SRGN: variants seen among roughly 807,000 people sequenced by gnomAD.
The protein encoded by SRGN is serglycin.
A neutral mutation model predicts 9.5 loss-of-function variants in SRGN; 2 were observed. That is an observed-to-expected ratio of 0.21 (90% CI 0.09 to 0.66). The LOEUF (loss-of-function observed/expected upper bound fraction) is 0.66. Among genes scored for constraint, SRGN ranks in the 30% least tolerant of loss-of-function variants. The pLI, the probability that SRGN is intolerant of heterozygous loss-of-function variation, is 0.83. For synonymous variants in SRGN, 59 were observed against 72.3 expected (o/e 0.82, Z 0.93); for missense variants, 170 against 192.4 (o/e 0.88, Z 0.69).
At chr10:69,096,329 C>T (rs1313397798) in intron 1 of SRGN, among the ~76,000 whole-genome samples, 1 of 152,150 alleles carries the variant, frequency 6.6e-6, no homozygotes, top group Non-Finnish European at 1.5e-5. Flanking sequence ...ACAAAAGTAA[C>T]AACAGTTAAT....
chr10:69,104,257 C>CT lies in SRGN; in HGVS notation c.*145dup, dbSNP rs1211354837. 8.2e-5 allele frequency: 97 copies of CT among 1,175,962 alleles called. No homozygotes were observed. Among genetic ancestry groups the CT allele is most frequent in the South Asian group, 2.0e-4 (12 of 59,412 alleles). 72.8% of individuals were successfully genotyped at this position (1,175,962 alleles called of 1,614,324 possible). ...AAAAAGAAGCTTAAGTTTTATCATC[C>CT]TTTTTTTTCTCATGAATTCTTAAAG... On this transcript the variant is annotated 3_prime_UTR_variant, in exon 3 of 3. Coordinates refer to ENST00000242465, the MANE Select transcript of SRGN (RefSeq NM_002727.4).
intron 1 of SRGN, among the ~76,000 whole-genome samples, chr10:69,094,056 A>G (rs1007844636): frequency 1.3e-5 from 2 of 152,198 alleles, no homozygotes; most frequent in African/African-American, 4.8e-5. Flanking sequence ...TGTGCTAGGT[A>G]CTACTCTGAG....
At chr10:69,092,230 T>G (rs964473033) in intron 1 of SRGN, among the ~76,000 whole-genome samples, 1 of 152,136 alleles carries the variant, frequency 6.6e-6, no homozygotes, top group African/African-American at 2.4e-5. Context: ...GACATTTATC[T>G]CAAGCAAGAT....
At chr10:69,097,383 C>G (rs1840197076) in intron 2 of SRGN, 152 bp downstream of exon 2, 1 of 545,196 alleles carries the variant, frequency 1.8e-6, no homozygotes, top group African/African-American at 2.0e-5. Context: ...GCTTCAGCCT[C>G]TGGAGCAGCT....
Position 69,104,100 on chromosome 10 carries a change from GAAGAGGATTTTATGTTATAA to G in SRGN, c.469_*11del, listed in dbSNP as rs763436639. The G allele has an allele frequency of 6.2e-7, 1 of 1,614,086 alleles. No homozygotes were observed. Among genetic ancestry groups the G allele is most frequent in the South Asian group, 1.1e-5 (1 of 91,080 alleles). Reference sequence around the variant, plus strand: ...CCAGGACTTGGGTCAACATGGATTAGAAGAGGATTTTATGTTATAAAAGAGGATTTTCCCACCTTGACACC... The same window carrying G: ...CCAGGACTTGGGTCAACATGGATTAGAAGAGGATTTTCCCACCTTGACACC... On this transcript the variant is annotated frameshift_variant and stop_lost, in exon 3 of 3. Coordinates refer to ENST00000242465, the MANE Select transcript of SRGN (RefSeq NM_002727.4). LOFTEE classifies it high-confidence loss of function.
chr10:69,092,024 G>C (rs1453497377), intron 1 of SRGN, among the ~76,000 whole-genome samples: 1 of 151,028 alleles, frequency 6.6e-6, no homozygotes, highest in Non-Finnish European at 1.5e-5. Context: ...GTTTGCTTTG[G>C]TAACATTTAC....
At chr10:69,094,181 C>T (rs1187416118) in intron 1 of SRGN, among the ~76,000 whole-genome samples, 1 of 152,194 alleles carries the variant, frequency 6.6e-6, no homozygotes, top group Non-Finnish European at 1.5e-5. Flanking sequence ...AAGGGGCAGA[C>T]ATTGAAAGGT....
chr10:69,098,671 A>T (rs529826201), intron 2 of SRGN: 42 of 150,984 alleles, frequency 2.8e-4, no homozygotes, highest in African/African-American at 7.8e-4. Flanking sequence ...AATTATTTTT[A>T]AAAATGGCCA....
At chr10:69,096,984 A>T in intron 1 of SRGN, 100 bp from the exon 2 acceptor site, 1 of 1,284,162 alleles carries the variant, frequency 7.8e-7, no homozygotes, top group Middle Eastern at 2.2e-4. Context: ...GCCGACTGAG[A>T]CCCTGTCTCG....
intron 1 of SRGN, among the ~76,000 whole-genome samples, chr10:69,093,861 A>G (rs1840117866): frequency 6.6e-6 from 1 of 152,144 alleles, no homozygotes; most frequent in Admixed American, 6.5e-5. Context: ...GCCAGACTCT[A>G]TCTCAAAATA....
At chr10:69,101,216 C>T (rs982416281) in intron 2 of SRGN, among the ~76,000 whole-genome samples, 3 of 152,060 alleles carry the variant, frequency 2.0e-5, no homozygotes, top group Non-Finnish European at 2.9e-5. Context: ...CTGCCTGCCT[C>T]GTCCTCCCAA....
chr10:69,103,652 A>G (rs1195223133), intron 2 of SRGN, among the ~76,000 whole-genome samples: 1 of 152,150 alleles, frequency 6.6e-6, no homozygotes, highest in African/African-American at 2.4e-5. Context: ...GGTAGATGTG[A>G]AGTTGATAGG....
chr10:69,101,264 C>T (rs768155320), intron 2 of SRGN, among the ~76,000 whole-genome samples: 5 of 152,104 alleles, frequency 3.3e-5, no homozygotes, highest in East Asian at 1.9e-4. Flanking sequence ...TGTGCCTGGC[C>T]GAAGGAAATA....
intron 2 of SRGN, among the ~76,000 whole-genome samples, chr10:69,103,359 A>G (rs568675600): frequency 6.5e-4 from 99 of 152,140 alleles, no homozygotes; most frequent in Middle Eastern, 6.8e-3. Flanking sequence ...CCTGGCCAAT[A>G]TGGTGAAACT....
At chr10:69,089,917 GAGAAAGAAAGGAA>G (rs916606351) in intron 1 of SRGN, among the ~76,000 whole-genome samples, 1 of 151,272 alleles carries the variant, frequency 6.6e-6, no homozygotes, top group African/African-American at 2.4e-5. Flanking sequence ...GAGAGAGAGA[GAGAAAGAAAGGAA>G]AGAAAGAAAG....
intron 2 of SRGN, among the ~76,000 whole-genome samples, chr10:69,103,229 A>G (rs1460686321): frequency 1.3e-5 from 2 of 151,336 alleles, no homozygotes; most frequent in Non-Finnish European, 2.9e-5. Context: ...ATGAGCCACC[A>G]CACCCGGCCA....
chr10:69,092,139 A>G (rs962889613), intron 1 of SRGN, among the ~76,000 whole-genome samples: 1 of 152,052 alleles, frequency 6.6e-6, no homozygotes, highest in African/African-American at 2.4e-5. Flanking sequence ...AATCCACTAC[A>G]CAATTAACCA....
rs771243390 is a variant in SRGN at position 69,088,119 on chromosome 10, A to C, written c.-39A>C. 3.8e-6 allele frequency: 6 copies of C among 1,577,022 alleles called. No homozygotes were observed. In the African/African-American group the frequency reaches 6.7e-5, roughly 18 times the overall value. ...CACCCTGCTACATTTCCTAATCAAG[A>C]AGTTGGCGTGCAGCTGGGAGAGCTA... On this transcript the variant is annotated 5_prime_UTR_variant, in exon 1 of 3. Transcript: ENST00000242465.
At chr10:69,094,700 T>C (rs908248269) in intron 1 of SRGN, among the ~76,000 whole-genome samples, 18 of 152,136 alleles carry the variant, frequency 1.2e-4, no homozygotes, top group African/African-American at 4.3e-4. Flanking sequence ...GCAATCTTCC[T>C]GCCTCAGCCT....
Sources: gnomAD v4.1 joint callset for allele counts (sites outside exome capture counted in the v4.1 genomes callset) on GRCh38, gnomAD v4.1.1 for gene constraint, MANE v1.5 for transcripts, NCBI Gene and HGNC (gene_info 2026-07-23, HGNC 2026-07-21) for gene names.